BABAM2: variants seen among roughly 807,000 people sequenced by gnomAD.
BABAM2 encodes BRISC and BRCA1-A complex member 2.
A neutral mutation model predicts 54.7 loss-of-function variants in BABAM2; 31 were observed. The observed-to-expected ratio is 0.57, with a 90% CI of 0.43 to 0.77. BABAM2 has a LOEUF of 0.77. BABAM2 is among the 30% of genes least tolerant of loss of function. The probability of loss-of-function intolerance (pLI) is 0.00; values close to 1 mark genes in which losing one functional copy is unlikely to be tolerated. For missense variants in BABAM2, 364 were observed against 455.8 expected, an observed-to-expected ratio of 0.80 and a Z score of 1.83; for synonymous variants, 167 against 162.9, an observed-to-expected ratio of 1.03 and a Z score of -0.19.
intron 11 of BABAM2, among the ~76,000 whole-genome samples, chr2:28,330,703 A>C (rs1011102807): frequency 3.9e-5 from 6 of 152,214 alleles, no homozygotes; most frequent in African/African-American, 1.2e-4. Context: ...AAATGGAAAA[A>C]CATTCCAAGC....
At chr2:28,008,044 A>T (rs1199470921) in intron 4 of BABAM2, among the ~76,000 whole-genome samples, 2 of 152,180 alleles carry the variant, frequency 1.3e-5, no homozygotes, top group African/African-American at 4.8e-5. Context: ...CATTTTGAAT[A>T]ACCCATAATG....
At chr2:27,927,460 G>A (rs569087344) in intron 2 of BABAM2, among the ~76,000 whole-genome samples, 12 of 152,164 alleles carry the variant, frequency 7.9e-5, no homozygotes, top group Non-Finnish European at 1.6e-4. Context: ...AAAAATCTTA[G>A]TGTTGGTTAT....
intron 5 of BABAM2, 155 bp downstream of exon 5, chr2:28,025,575 T>C (rs1384407075): frequency 1.4e-6 from 1 of 705,488 alleles, no homozygotes; most frequent in Non-Finnish European, 2.2e-6. Flanking sequence ...GAGACCTTAA[T>C]GTTTGTCTAG....
intron 2 of BABAM2, among the ~76,000 whole-genome samples, chr2:27,900,635 G>C (rs1214622684): frequency 6.6e-6 from 1 of 152,162 alleles, no homozygotes; most frequent in Non-Finnish European, 1.5e-5. Context: ...TTGGGTATCA[G>C]AGTGGTTTGT....
intron 6 of BABAM2, among the ~76,000 whole-genome samples, chr2:28,054,309 CCCTTTTTTTAACCTT>C (rs1678226101): frequency 6.6e-6 from 1 of 152,134 alleles, no homozygotes; most frequent in African/African-American, 2.4e-5. Flanking sequence ...TCTCCCCCTA[CCCTTTTTTTAACCTT>C]CCTTCTTTTA....
intron 7 of BABAM2, among the ~76,000 whole-genome samples, chr2:28,165,146 C>T (rs576010195): frequency 2.0e-5 from 3 of 152,220 alleles, no homozygotes; most frequent in African/African-American, 4.8e-5. Flanking sequence ...CAGTGTACTG[C>T]GGGAGAAAGA....
At chr2:28,268,320 G>C (rs1478548151) in intron 10 of BABAM2, among the ~76,000 whole-genome samples, 1 of 152,126 alleles carries the variant, frequency 6.6e-6, no homozygotes, top group Non-Finnish European at 1.5e-5. Flanking sequence ...CAAAAATGAA[G>C]GAGTGATAAA....
intron 4 of BABAM2, 127 bp downstream of exon 4, chr2:27,988,214 G>T (rs1672538546): frequency 1.2e-6 from 1 of 833,248 alleles, no homozygotes; most frequent in East Asian, 2.5e-5. Flanking sequence ...TCTTTTCTCT[G>T]TCCTGTGAAA....
chr2:28,183,888 A>G (rs908073049), intron 7 of BABAM2, among the ~76,000 whole-genome samples: 2 of 152,046 alleles, frequency 1.3e-5, no homozygotes, highest in African/African-American at 4.8e-5. Context: ...TCCTTTCCAT[A>G]GTTGTTTTTC....
At chr2:28,135,907 T>C (rs10204081) in intron 7 of BABAM2, among the ~76,000 whole-genome samples, 107,260 of 152,032 alleles carry the variant, frequency 0.71, 38,351 homozygotes, top group Middle Eastern at 0.8. Flanking sequence ...TTTATCCATG[T>C]GGAACTGTCA....
chr2:27,889,970 G>A (rs1212642918), upstream of BABAM2: 1 of 333,846 alleles, frequency 3.0e-6, no homozygotes, highest in South Asian at 8.1e-5. Flanking sequence ...AAGGTCTTTG[G>A]GGGCGCAAGT....
chr2:28,142,985 C>G (rs1671190929), intron 7 of BABAM2, among the ~76,000 whole-genome samples: 1 of 152,006 alleles, frequency 6.6e-6, no homozygotes, highest in South Asian at 2.1e-4. Flanking sequence ...GAGTTGTTCA[C>G]CAGAGATTGT....
chr2:28,062,876 A>G (rs991440543), intron 6 of BABAM2, among the ~76,000 whole-genome samples: 2 of 152,252 alleles, frequency 1.3e-5, no homozygotes, highest in African/African-American at 2.4e-5. Context: ...ACTTAATGTC[A>G]CCACTAGCAT....
chr2:28,059,821 CAAG>C (rs1373562451), intron 6 of BABAM2, among the ~76,000 whole-genome samples: 4 of 152,086 alleles, frequency 2.6e-5, no homozygotes, highest in African/African-American at 9.7e-5. Context: ...AAAGTTTATT[CAAG>C]AAGAAGTAGA....
At chr2:27,970,436 GTC>G (rs1331005646) in intron 3 of BABAM2, among the ~76,000 whole-genome samples, 2 of 152,126 alleles carry the variant, frequency 1.3e-5, no homozygotes, top group African/African-American at 4.8e-5. Flanking sequence ...TGTTTTAGAA[GTC>G]TCTCTCTACT....
chr2:27,924,054 CCTT>C (rs1558590044), intron 2 of BABAM2, among the ~76,000 whole-genome samples: 1 of 152,188 alleles, frequency 6.6e-6, no homozygotes, highest in Non-Finnish European at 1.5e-5. Context: ...TGGTTACTCT[CCTT>C]CTGAAATCTG....
chr2:28,164,960 A>G (rs1454890474), intron 7 of BABAM2, among the ~76,000 whole-genome samples: 1 of 152,204 alleles, frequency 6.6e-6, no homozygotes, highest in Non-Finnish European at 1.5e-5. Context: ...TGTACTAGGT[A>G]TCAAAAGAGA....
intron 10 of BABAM2, among the ~76,000 whole-genome samples, chr2:28,254,865 C>G (rs1417258568): frequency 6.6e-6 from 1 of 151,512 alleles, no homozygotes; most frequent in Admixed American, 6.6e-5. Context: ...TCCAGAGTAG[C>G]TGGGACTATA....
At chr2:28,001,033 C>A (rs1298672181) in intron 4 of BABAM2, among the ~76,000 whole-genome samples, 1 of 152,128 alleles carries the variant, frequency 6.6e-6, no homozygotes, top group Non-Finnish European at 1.5e-5. Context: ...TCTTAGAAAC[C>A]AAGATCTTAG....
Sources: allele counts gnomAD v4.1 joint callset (sites outside exome capture counted in the v4.1 genomes callset), GRCh38; gene constraint gnomAD v4.1.1; transcripts MANE v1.5; gene names NCBI Gene and HGNC (gene_info 2026-07-23, HGNC 2026-07-21).